Variants in ATF2 observed in about 807,000 individuals in gnomAD.
ATF2 encodes cyclic AMP-dependent transcription factor ATF-2.
In ATF2, 24 loss-of-function variants were observed where a neutral mutation model predicts 60.6. That is an observed-to-expected ratio of 0.40 (90% confidence interval 0.29 to 0.56). The LOEUF (loss-of-function observed/expected upper bound fraction) is 0.56. ATF2 is among the 20% of genes least tolerant of loss of function. The probability of loss-of-function intolerance (pLI) is 0.54; values close to 1 mark genes in which losing one functional copy is unlikely to be tolerated. For missense variants in ATF2, 433 were observed against 607.7 expected (o/e 0.71, Z 3.02); for synonymous variants, 206 against 215.4 (o/e 0.96, Z 0.38).
At chr2:175,162,932 G>A (rs1317908852) in intron 1 of ATF2, among the ~76,000 whole-genome samples, 1 of 152,080 alleles carries the variant, frequency 6.6e-6, no homozygotes, top group Non-Finnish European at 1.5e-5. Context: ...AGAAGATCGA[G>A]ACCATCCTAG....
chr2:175,120,094 A>T (rs1696851385), intron 5 of ATF2, among the ~76,000 whole-genome samples: 1 of 151,740 alleles, frequency 6.6e-6, no homozygotes, highest in South Asian at 2.1e-4. Context: ...ATTAAATGTG[A>T]TCAGACAGGA....
At chr2:175,156,647 A>G (rs1005526932) in intron 1 of ATF2, among the ~76,000 whole-genome samples, 2 of 152,140 alleles carry the variant, frequency 1.3e-5, no homozygotes, top group Admixed American at 6.5e-5. Context: ...AGAGGGACAC[A>G]AAGAAAGGAA....
chr2:175,092,565 C>A (rs1165739374), intron 12 of ATF2: 1 of 448,682 alleles, frequency 2.2e-6, no homozygotes, highest in Non-Finnish European at 4.6e-6. Context: ...TAATTAGAGT[C>A]CTTCAGTTTC....
chr2:175,139,000 T>G (rs1698317888), intron 2 of ATF2, among the ~76,000 whole-genome samples: 1 of 152,222 alleles, frequency 6.6e-6, no homozygotes, highest in Non-Finnish European at 1.5e-5. Context: ...GCACTTCAGT[T>G]TCACCAACTA....
intron 1 of ATF2, among the ~76,000 whole-genome samples, chr2:175,153,789 A>C (rs1187548633): frequency 1.4e-5 from 2 of 142,688 alleles, no homozygotes; most frequent in Admixed American, 1.5e-4. Flanking sequence ...TCGAGATCAC[A>C]CCATTGCACT....
At chr2:175,157,991 C>CAA (rs879887702) in intron 1 of ATF2, among the ~76,000 whole-genome samples, 2 of 114,898 alleles carry the variant, frequency 1.7e-5, no homozygotes, top group Non-Finnish European at 1.9e-5. Context: ...GACTCTGTCT[C>CAA]AAAAAAAAAA....
intron 2 of ATF2, among the ~76,000 whole-genome samples, chr2:175,144,556 C>A (rs573810448): frequency 3.9e-5 from 6 of 152,266 alleles, no homozygotes; most frequent in African/African-American, 1.4e-4. Context: ...AAAGTTAAGC[C>A]ACCAGAGAAA....
intron 1 of ATF2, among the ~76,000 whole-genome samples, chr2:175,157,989 C>T (rs943361645): frequency 1.7e-4 from 25 of 149,318 alleles, no homozygotes; most frequent in Non-Finnish European, 3.4e-4. Flanking sequence ...GAGACTCTGT[C>T]TCAAAAAAAA....
intron 3 of ATF2, among the ~76,000 whole-genome samples, chr2:175,131,810 C>A (rs1227743110): frequency 6.6e-6 from 1 of 152,154 alleles, no homozygotes; most frequent in South Asian, 2.1e-4. Context: ...AAAATTTAGG[C>A]TCCCAAAGAA....
intron 4 of ATF2, 42 bp downstream of exon 4, chr2:175,130,096 A>T: frequency 7.6e-7 from 1 of 1,320,894 alleles, no homozygotes; most frequent in Non-Finnish European, 1.1e-6. Flanking sequence ...TGTTTTAATA[A>T]GTGGAAATAT....
intron 2 of ATF2, among the ~76,000 whole-genome samples, chr2:175,142,720 A>AGAGACTGTGT (rs1491359659): frequency 1.4e-5 from 1 of 71,098 alleles, no homozygotes; most frequent in African/African-American, 4.7e-5. Flanking sequence ...AGAGAGAGAG[A>AGAGACTGTGT]GTGTGTGTGT....
At chr2:175,161,244 G>A (rs1700010072) in intron 1 of ATF2, among the ~76,000 whole-genome samples, 1 of 152,120 alleles carries the variant, frequency 6.6e-6, no homozygotes, top group African/African-American at 2.4e-5. Context: ...TAAATTCTTA[G>A]GGAAAAATAA....
intron 12 of ATF2, among the ~76,000 whole-genome samples, chr2:175,084,572 C>T (rs867014154): frequency 2.0e-5 from 3 of 148,738 alleles, no homozygotes; most frequent in East Asian, 4.0e-4. Context: ...TACAGCACAC[C>T]AGCATGGCAC....
At chr2:175,097,628 G>C (rs776854952) in intron 10 of ATF2, 35 bp from the exon 11 acceptor site, 1 of 1,608,936 alleles carries the variant, frequency 6.2e-7, no homozygotes, top group South Asian at 1.1e-5. Context: ...TTTTTTTTAA[G>C]TCCTTAAAGA....
chr2:175,163,800 G>A (rs1398607721), intron 1 of ATF2, among the ~76,000 whole-genome samples: 3 of 150,632 alleles, frequency 2.0e-5, no homozygotes, highest in African/African-American at 7.3e-5. Context: ...GCGGGCACCT[G>A]TAATCCCAGC....
At chr2:175,154,701 A>AT (rs961101027) in intron 1 of ATF2, among the ~76,000 whole-genome samples, 6 of 152,206 alleles carry the variant, frequency 3.9e-5, no homozygotes, top group African/African-American at 1.4e-4. Flanking sequence ...GTGTTATACT[A>AT]TATCATGATG....
At chr2:175,123,698 T>C (rs1482449472) in intron 4 of ATF2, among the ~76,000 whole-genome samples, 1 of 151,964 alleles carries the variant, frequency 6.6e-6, no homozygotes, top group Non-Finnish European at 1.5e-5. Context: ...AAAGGGAGAA[T>C]GCAAGGAATA....
chr2:175,159,461 A>G (rs1699885064), intron 1 of ATF2, among the ~76,000 whole-genome samples: 1 of 152,206 alleles, frequency 6.6e-6, no homozygotes, highest in Non-Finnish European at 1.5e-5. Context: ...CCCAATGTTA[A>G]CAAGGAAAGC....
chr2:175,092,482 A>G, intron 12 of ATF2: 1 of 242,378 alleles, frequency 4.1e-6, no homozygotes, highest in Non-Finnish European at 8.7e-6. Context: ...TAAGAAATGT[A>G]TCTGAGGCAC....
Sources: gnomAD v4.1 joint callset for allele counts (sites outside exome capture counted in the v4.1 genomes callset) on GRCh38, gnomAD v4.1.1 for gene constraint, MANE v1.5 for transcripts, NCBI Gene and HGNC (gene_info 2026-07-23, HGNC 2026-07-21) for gene names.